CNTNAP2: variants seen among roughly 807,000 people sequenced by gnomAD.
CNTNAP2 encodes the protein contactin associated protein 2.
CNTNAP2 carries 98 observed loss-of-function variants against 155.2 expected under a neutral mutation model. The ratio of observed to expected loss-of-function variants is 0.63; its 90% CI spans 0.54 to 0.75. The LOEUF (loss-of-function observed/expected upper bound fraction) is 0.75. CNTNAP2 is among the 30% of genes least tolerant of loss of function. The pLI is 0.00. For missense variants in CNTNAP2, 1,727 were observed against 1,688.1 expected, an observed-to-expected ratio of 1.02 and a Z score of -0.40; for synonymous variants, 651 against 631.2, an observed-to-expected ratio of 1.03 and a Z score of -0.47.
intron 11 of CNTNAP2, among the ~76,000 whole-genome samples, chr7:147,494,275 A>T (rs1798656650): frequency 6.6e-6 from 1 of 152,188 alleles, no homozygotes; most frequent in Non-Finnish European, 1.5e-5. Context: ...ACACTGGATT[A>T]AAATAGTACA....
intron 19 of CNTNAP2, among the ~76,000 whole-genome samples, chr7:148,220,953 G>A (rs569449372): frequency 6.6e-6 from 1 of 152,168 alleles, no homozygotes; most frequent in East Asian, 1.9e-4. Flanking sequence ...CAGGAGGAGG[G>A]CTCTCACCCA....
intron 1 of CNTNAP2, among the ~76,000 whole-genome samples, chr7:146,381,352 C>A (rs1486370033): frequency 1.3e-5 from 2 of 152,096 alleles, no homozygotes; most frequent in Non-Finnish European, 2.9e-5. Context: ...CAATATTAAT[C>A]AAAAATATAT....
At chr7:146,170,228 G>A (rs1410069149) in intron 1 of CNTNAP2, among the ~76,000 whole-genome samples, 1 of 152,042 alleles carries the variant, frequency 6.6e-6, no homozygotes, top group Non-Finnish European at 1.5e-5. Context: ...GTTTCACCGT[G>A]TTGGCCAGGC....
At chr7:147,313,112 T>C (rs1321485665) in intron 9 of CNTNAP2, among the ~76,000 whole-genome samples, 1 of 140,128 alleles carries the variant, frequency 7.1e-6, no homozygotes, top group African/African-American at 2.8e-5. Context: ...TGGGGTTGTT[T>C]GTTTTTTTCT....
At chr7:146,734,080 A>G (rs1455216103) in intron 1 of CNTNAP2, among the ~76,000 whole-genome samples, 1 of 152,122 alleles carries the variant, frequency 6.6e-6, no homozygotes, top group Non-Finnish European at 1.5e-5. Flanking sequence ...AGATGCTGGT[A>G]GCTTGTACCT....
chr7:148,035,925 GA>G (rs1802565870), intron 15 of CNTNAP2, among the ~76,000 whole-genome samples: 1 of 152,188 alleles, frequency 6.6e-6, no homozygotes. Context: ...CTTTATTCTG[GA>G]GTCTTAAGAT....
chr7:146,729,614 A>AATATAG (rs528318510), intron 1 of CNTNAP2, among the ~76,000 whole-genome samples: 4 of 151,964 alleles, frequency 2.6e-5, no homozygotes, highest in African/African-American at 4.8e-5. Context: ...GTGTGTATTA[A>AATATAG]ATATAGATAT....
chr7:147,572,281 A>G (rs1038559227), intron 12 of CNTNAP2, among the ~76,000 whole-genome samples: 1 of 152,032 alleles, frequency 6.6e-6, no homozygotes, highest in Admixed American at 6.6e-5. Context: ...GAAGTTCTCA[A>G]ATGGTTTTCA....
chr7:147,320,899 T>C (rs1795339673), intron 9 of CNTNAP2, among the ~76,000 whole-genome samples: 1 of 152,140 alleles, frequency 6.6e-6, no homozygotes, highest in Non-Finnish European at 1.5e-5. Context: ...TGATACAAAT[T>C]AGTGATTAAG....
intron 13 of CNTNAP2, among the ~76,000 whole-genome samples, chr7:147,891,449 C>T (rs368471295): frequency 4.9e-4 from 74 of 152,160 alleles, no homozygotes; most frequent in Middle Eastern, 3.4e-3. Context: ...CTGATTTGCC[C>T]GCCTCAGCCT....
chr7:146,759,681 C>CAAAAAAAAAAAAAAAAAAAAAAAA (rs376817827), intron 1 of CNTNAP2, among the ~76,000 whole-genome samples: 1 of 54,600 alleles, frequency 1.8e-5, no homozygotes, highest in African/African-American at 4.1e-5. Context: ...GTGAGACTGT[C>CAAAAAAAAAAAAAAAAAAAAAAAA]AAAAAAAAAA....
intron 13 of CNTNAP2, among the ~76,000 whole-genome samples, chr7:147,822,080 T>G (rs1189723740): frequency 3.3e-5 from 5 of 152,068 alleles, no homozygotes; most frequent in Non-Finnish European, 7.4e-5. Flanking sequence ...TCCGCTAGAT[T>G]TAGTCTCATG....
At position 148,417,117 on chromosome 7, in the gene CNTNAP2, T is replaced by G. The variant is rs963050749; in HGVS notation, c.*1501T>G. 2.0e-5 allele frequency: 3 copies of G among 152,186 alleles called. No individual in the cohort carries two copies. The highest frequency in any genetic ancestry group is 7.2e-5 in the African/African-American group (3 of 41,446). The allele number at this position is 152,186 out of a possible 1,614,324, so 9.4% of individuals were successfully genotyped here. ...CTAAAAAGTCTTGAGATCCCACCATTCTGAGGAATTCAATATGATCACTTT... is the reference window on the plus strand; with the variant it reads ...CTAAAAAGTCTTGAGATCCCACCATGCTGAGGAATTCAATATGATCACTTT... On this transcript the variant is annotated 3_prime_UTR_variant, in exon 24 of 24. Transcript: ENST00000361727.
chr7:147,603,055 C>T (rs1330494435), intron 12 of CNTNAP2, among the ~76,000 whole-genome samples: 9 of 151,782 alleles, frequency 5.9e-5, no homozygotes, highest in African/African-American at 1.2e-4. Flanking sequence ...CCTGAGGAAT[C>T]GCCACACTGA....
intron 8 of CNTNAP2, among the ~76,000 whole-genome samples, chr7:147,233,742 GAAAA>G (rs1037566750): frequency 6.6e-6 from 1 of 151,438 alleles, no homozygotes; most frequent in African/African-American, 2.4e-5. Flanking sequence ...TTGAAAAAAG[GAAAA>G]AAGTCTTATA....
At chr7:148,277,585 G>C in intron 21 of CNTNAP2, among the ~76,000 whole-genome samples, 1 of 124,990 alleles carries the variant, frequency 8.0e-6, no homozygotes. Context: ...GTTAGTACAG[G>C]ACCGCCCCCC....
chr7:147,198,955 CTTTTTTTTT>C (rs531893928), intron 8 of CNTNAP2, among the ~76,000 whole-genome samples: 60 of 99,312 alleles, frequency 6.0e-4, no homozygotes, highest in East Asian at 2.7e-4. Flanking sequence ...AATCAAAGGA[CTTTTTTTTT>C]TTTTTTTTTT....
intron 1 of CNTNAP2, among the ~76,000 whole-genome samples, chr7:146,511,529 C>T: frequency 6.6e-6 from 1 of 152,122 alleles, no homozygotes. Flanking sequence ...TTTTTAGCAT[C>T]TATGGAAATA....
Position 147,289,426 on chromosome 7 carries a change from A to G in CNTNAP2, c.1349-10715A>G, listed in dbSNP as rs79089212. On this transcript the variant is annotated intron_variant, in intron 8 of 23. Coordinates refer to ENST00000361727, the MANE Select transcript of CNTNAP2 (RefSeq NM_014141.6). ...TACTAAAAAAAAAACAGGAGAGACA[A>G]TTGGGGAGAGTGAGAAATAAAGAGG... 8.5e-3 allele frequency among the ~76,000 whole-genome samples: 1,290 copies of G among 152,130 alleles called. 24 individuals are homozygous for G. The highest frequency in any genetic ancestry group is 0.029 in the African/African-American group (1,199 of 41,542).
Sources: gnomAD v4.1 joint callset for allele counts (sites outside exome capture counted in the v4.1 genomes callset) on GRCh38, gnomAD v4.1.1 for gene constraint, MANE v1.5 for transcripts, NCBI Gene and HGNC (gene_info 2026-07-23, HGNC 2026-07-21) for gene names.